The following YLPM1 variants were observed in gnomAD, a reference collection of about 807,000 sequenced individuals.
YLPM1 encodes the protein YLP motif-containing protein 1.
In YLPM1, 99 loss-of-function variants were observed where a neutral mutation model predicts 230.0. The observed-to-expected ratio is 0.43, with a 90% CI of 0.37 to 0.51. YLPM1 has a LOEUF of 0.51. YLPM1 is among the 20% of genes least tolerant of loss of function. The pLI is 0.00. For synonymous variants in YLPM1, 984 were observed against 942.5 expected (o/e 1.04, Z -0.81); for missense variants, 2,592 against 2,707.7 (o/e 0.96, Z 0.95).
chr14:74,764,466 C>CTA, intron 1 of YLPM1, 104 bp downstream of exon 1: 1 of 1,351,654 alleles, frequency 7.4e-7, no homozygotes, highest in South Asian at 1.6e-5. Context: ...CACACAATGA[C>CTA]TAGCTAACAC....
Position 74,780,578 on chromosome 14 carries a change from T to C in YLPM1, c.1284T>C (p.His428=). The change falls in exon 3 of 21, where the codon CAT becomes CAC. Residue 428 remains histidine (H), a synonymous_variant. Coordinates refer to ENST00000325680, the MANE Select transcript of YLPM1 (RefSeq NM_019589.3). The part of the protein sequence containing the change: ...QYQQIIQPPP[H]IQTMSVDMQL... Reference sequence around the variant, plus strand: ...AGCAGATTATACAGCCCCCACCACATATACAGGCAAGTGCTTCCATAGTCC... The same window carrying C: ...AGCAGATTATACAGCCCCCACCACACATACAGGCAAGTGCTTCCATAGTCC... 13 of 1,608,494 alleles carry C rather than the reference T, an allele frequency of 8.1e-6. No homozygotes were observed. Among genetic ancestry groups the C allele is most frequent in the Non-Finnish European group, 1.1e-5 (13 of 1,176,008 alleles).
intron 4 of YLPM1, 120 bp downstream of exon 4, chr14:74,782,445 T>A (rs1019514612): frequency 1.7e-6 from 2 of 1,187,400 alleles, no homozygotes; most frequent in Admixed American, 3.4e-5. Context: ...TTTGTACTTA[T>A]ATTGTCTGCT....
At chr14:74,817,583 C>G (rs779122275) in intron 15 of YLPM1, among the ~76,000 whole-genome samples, 19 of 152,168 alleles carry the variant, frequency 1.2e-4, no homozygotes, top group Admixed American at 4.6e-4. Context: ...TGACCCATTC[C>G]TCATAATATA....
intron 4 of YLPM1, among the ~76,000 whole-genome samples, chr14:74,793,423 T>A (rs1321167508): frequency 6.6e-6 from 1 of 151,880 alleles, no homozygotes; most frequent in Non-Finnish European, 1.5e-5. Context: ...GAATTGGAAA[T>A]TTTTTTTTCT....
chr14:74,802,026 C>A (rs28704872), intron 5 of YLPM1, among the ~76,000 whole-genome samples: 22,124 of 151,366 alleles, frequency 0.15, 1,764 homozygotes, highest in South Asian at 0.3. Flanking sequence ...ACCAGCCTGG[C>A]CAATATAGTG....
Position 74,818,270 on chromosome 14 carries a change from C to A in YLPM1, c.5986C>A (p.Arg1996Ser). Reference protein sequence around the residue: ...HWETAPRHMMRLDIRSLLQDA... With the variant: ...HWETAPRHMMSLDIRSLLQDA... The stretch of plus-strand genomic sequence containing the variant: ...GGAAACTGCACCTCGTCACATGATG[C>A]GTCTAGATATTCGTTCTTTGCTGCA... Residue 1996 changes from arginine to serine, a missense_variant, in exon 16 of 21, where the codon CGT becomes AGT. Coordinates refer to ENST00000325680, the MANE Select transcript of YLPM1 (RefSeq NM_019589.3). 1 of 1,605,368 alleles carries A rather than the reference C, an allele frequency of 6.2e-7. No individual in the cohort carries two copies. Among genetic ancestry groups the A allele is most frequent in the Non-Finnish European group, 8.5e-7 (1 of 1,176,130 alleles).
intron 2 of YLPM1, among the ~76,000 whole-genome samples, chr14:74,778,942 G>C (rs2091067977): frequency 6.6e-6 from 1 of 152,078 alleles, no homozygotes; most frequent in African/African-American, 2.4e-5. Flanking sequence ...CCAGGTTCAG[G>C]CAATTCTTCT....
intron 16 of YLPM1, among the ~76,000 whole-genome samples, chr14:74,820,371 C>T (rs1349288190): frequency 6.6e-6 from 1 of 152,168 alleles, no homozygotes; most frequent in Non-Finnish European, 1.5e-5. Context: ...ACCTCAGCCT[C>T]CTGAGTAGCT....
In YLPM1 at chr14:74,798,095, C is replaced by T; in HGVS notation, c.2798C>T (p.Thr933Ile). Residue 933 changes from threonine (T) to isoleucine (I), a missense_variant, in exon 5 of 21, where the codon ACT (threonine) becomes ATT (isoleucine). Thr to Ile is a moderately conservative substitution (Grantham distance 89). This residue lies in a region of YLPM1 where 1,862 missense variants were observed against 1,819.8 expected (regional missense o/e 1.02). Transcript: ENST00000325680. Reference sequence around the variant, plus strand: ...GACCAGAATGTTCAAAGTATGGAGACTCAAATCGACAAAGCCCAAGCTGTT... The same window carrying T: ...GACCAGAATGTTCAAAGTATGGAGATTCAAATCGACAAAGCCCAAGCTGTT... ...NWDQNVQSME[T>I]QIDKAQAVTQ... 4 of 1,613,932 alleles carry T rather than the reference C, an allele frequency of 2.5e-6. No homozygotes were observed. Among genetic ancestry groups the T allele is most frequent in the Non-Finnish European group, 3.4e-6 (4 of 1,179,888 alleles).
rs902104196 is a variant in YLPM1, at chr14:74,835,924, T to C, written c.*186T>C. 1 of 454,976 alleles carries C rather than the reference T, an allele frequency of 2.2e-6. No individual in the cohort carries two copies. The highest frequency in any genetic ancestry group is 4.4e-6 in the Non-Finnish European group (1 of 226,386). The allele number at this position is 454,976 out of a possible 1,614,324, so 28.2% of individuals were successfully genotyped here. On this transcript the variant is annotated 3_prime_UTR_variant, in exon 21 of 21. Transcript: ENST00000325680. ...TCCCCAAGAGGTATTAGAATCTTGC[T>C]GTACCCAAGCAAGACGTTAATTTTT... is the stretch of plus-strand genomic sequence containing the variant.
rs1356972234 is a variant in YLPM1 at position 74,835,849 on chromosome 14, A to G, written c.*111A>G. ...GTGTGTCACCTTGCTTCCACGTTTC[A>G]GTTCTTGTTTTGTTTCTACTGCTTT... is the stretch of plus-strand genomic sequence containing the variant. On this transcript the variant is annotated 3_prime_UTR_variant, in exon 21 of 21. Transcript: ENST00000325680. The G allele has an allele frequency of 8.8e-6, 4 of 456,292 alleles. 1 individual carries two copies. The highest frequency in any genetic ancestry group is 1.8e-5 in the Non-Finnish European group (4 of 226,860). The allele number at this position is 456,292 out of a possible 1,614,324, so 28.3% of individuals were successfully genotyped here.
At chr14:74,808,739 G>A (rs2091403594) in intron 6 of YLPM1, among the ~76,000 whole-genome samples, 1 of 151,446 alleles carries the variant, frequency 6.6e-6, no homozygotes, top group African/African-American at 2.4e-5. Flanking sequence ...GGGAGGCAGA[G>A]GTGGCAGTGA....
At position 74,799,379 on chromosome 14, in the gene YLPM1, A is replaced by G; in HGVS notation, c.4082A>G (p.Tyr1361Cys). The change falls in exon 5 of 21, where the codon TAT becomes TGT. Residue 1361 changes from tyrosine to cysteine, a missense_variant. Tyr to Cys is a radical substitution (Grantham distance 194, BLOSUM62 -2). Coordinates refer to ENST00000325680, the MANE Select transcript of YLPM1 (RefSeq NM_019589.3). ...GAAGAAAGAAATCGAGAGCATGGGT[A>G]TGATCGAGATTTCCGTGATAGGGGT... The part of the protein sequence containing the change: ...WREERNREHG[Y>C]DRDFRDRGEL... 6.2e-7 allele frequency: 1 copy of G among 1,614,026 alleles called. No homozygotes were observed. Among genetic ancestry groups the G allele is most frequent in the Non-Finnish European group, 8.5e-7 (1 of 1,179,900 alleles).
chr14:74,782,493 A>C (rs2091106103), intron 4 of YLPM1, among the ~76,000 whole-genome samples, 168 bp downstream of exon 4: 1 of 152,194 alleles, frequency 6.6e-6, no homozygotes, highest in African/African-American at 2.4e-5. Flanking sequence ...AAAAGGTAAC[A>C]TGCCCCCATT....
Position 74,836,004 on chromosome 14 carries a change from G to T in YLPM1, c.*266G>T. ...GATAGCTTAACTGCTGAAGCCAGGC[G>T]GGGGTCTGCTGGAGGATTCCAACAG... On this transcript the variant is annotated 3_prime_UTR_variant, in exon 21 of 21. Transcript: ENST00000325680. The T allele has an allele frequency of 1.4e-5, 6 of 420,608 alleles. No homozygotes were observed. Among genetic ancestry groups the T allele is most frequent in the South Asian group, 1.0e-4 (6 of 58,066 alleles). The allele number at this position is 420,608 out of a possible 1,614,324, so 26.1% of individuals were successfully genotyped here. A position where few individuals can be genotyped will look rare whatever the true frequency, so the allele number is the denominator to read the frequency against.
At chr14:74,825,460 C>T (rs980952589) in intron 18 of YLPM1, among the ~76,000 whole-genome samples, 2 of 152,094 alleles carry the variant, frequency 1.3e-5, no homozygotes, top group African/African-American at 2.4e-5. Flanking sequence ...TTCTAGTAGT[C>T]TTCCCTCTGT....
chr14:74,815,709 C>G (rs965544322), intron 11 of YLPM1, among the ~76,000 whole-genome samples: 2 of 151,878 alleles, frequency 1.3e-5, no homozygotes, highest in African/African-American at 4.8e-5. Context: ...TTAGTTTGCT[C>G]TTCTTTTTCA....
chr14:74,767,958 TA>T (rs908892977), intron 1 of YLPM1, among the ~76,000 whole-genome samples: 5 of 152,198 alleles, frequency 3.3e-5, no homozygotes, highest in African/African-American at 1.2e-4. Flanking sequence ...CCCTCTACTG[TA>T]AAGCTTTCTA....
chr14:74,789,571 A>G (rs573513636), intron 4 of YLPM1, among the ~76,000 whole-genome samples: 1 of 150,990 alleles, frequency 6.6e-6, no homozygotes, highest in Middle Eastern at 3.4e-3. Flanking sequence ...CTTGTGGGTC[A>G]CATTTGGTCT....
Sources: gnomAD v4.1 joint callset for allele counts (sites outside exome capture counted in the v4.1 genomes callset) on GRCh38, gnomAD v4.1.1 for gene constraint, gnomAD v4.1.1 regional missense constraint, MANE v1.5 for transcripts, NCBI Gene and HGNC (gene_info 2026-07-23, HGNC 2026-07-21) for gene names.